The following DAB1 variants were observed in gnomAD, a reference collection of about 807,000 sequenced individuals.
DAB1 encodes the protein disabled homolog 1.
In DAB1, 15 loss-of-function variants were observed where a neutral mutation model predicts 64.6. That is an observed-to-expected ratio of 0.23 (90% CI 0.16 to 0.36). DAB1 has a LOEUF of 0.36. DAB1 is among the 10% of genes least tolerant of loss of function. The pLI is 1.00. For missense variants in DAB1, 596 were observed against 706.7 expected, an observed-to-expected ratio of 0.84 and a Z score of 1.78; for synonymous variants, 235 against 251.9, an observed-to-expected ratio of 0.93 and a Z score of 0.64.
intron 7 of DAB1, among the ~76,000 whole-genome samples, chr1:57,643,537 T>G (rs1646156031): frequency 6.6e-6 from 1 of 152,206 alleles, no homozygotes; most frequent in Non-Finnish European, 1.5e-5. Context: ...TGTTTTCCCT[T>G]TGTGACATTT....
intron 5 of DAB1, among the ~76,000 whole-genome samples, chr1:57,998,211 A>C (rs1367752924): frequency 6.6e-6 from 1 of 152,128 alleles, no homozygotes; most frequent in Non-Finnish European, 1.5e-5. Context: ...CTGTATCTCG[A>C]TTCTGCCATT....
chr1:57,965,043 T>TGGAACATTCATGTGTGAAGAATGGAC (rs1645626281), intron 5 of DAB1, among the ~76,000 whole-genome samples: 1 of 152,096 alleles, frequency 6.6e-6, no homozygotes, highest in South Asian at 2.1e-4. Flanking sequence ...GAAGAATGGA[T>TGGAACATTCATGTGTGAAGAATGGAC]GGAACATTCA....
At chr1:57,271,010 G>A (rs1419903324) in intron 2 of DAB1, among the ~76,000 whole-genome samples, 4 of 152,306 alleles carry the variant, frequency 2.6e-5, no homozygotes, top group Admixed American at 2.6e-4. Flanking sequence ...CTCTAGGTCA[G>A]TCACCCAAAG....
intron 7 of DAB1, among the ~76,000 whole-genome samples, chr1:57,567,592 A>C (rs1384495958): frequency 6.6e-6 from 1 of 152,206 alleles, no homozygotes; most frequent in Admixed American, 6.5e-5. Flanking sequence ...CAGGATACAA[A>C]ATCAATGTAC....
chr1:57,173,416 T>C (rs1661990673), intron 2 of DAB1, among the ~76,000 whole-genome samples: 3 of 152,330 alleles, frequency 2.0e-5, no homozygotes. Context: ...ATTAAAAATA[T>C]GGTATAATAT....
intron 5 of DAB1, among the ~76,000 whole-genome samples, chr1:58,027,964 A>T (rs1646918049): frequency 6.6e-6 from 1 of 152,198 alleles, no homozygotes; most frequent in Non-Finnish European, 1.5e-5. Context: ...GATTCACACA[A>T]GTCTAAGTTT....
chr1:58,537,086 G>GTA (rs71779509), intron 1 of DAB1, among the ~76,000 whole-genome samples: 236 of 128,554 alleles, frequency 1.8e-3, no homozygotes, highest in African/African-American at 4.5e-3. Context: ...CTCTCTCTCT[G>GTA]TATATATATA....
At chr1:57,502,297 C>A (rs183056934) in intron 7 of DAB1, among the ~76,000 whole-genome samples, 17 of 123,316 alleles carry the variant, frequency 1.4e-4, no homozygotes, top group African/African-American at 4.8e-4. Flanking sequence ...CCAGCCTGGG[C>A]GACACAGCAA....
At chr1:58,287,759 T>C (rs1661721458) in intron 4 of DAB1, among the ~76,000 whole-genome samples, 1 of 152,124 alleles carries the variant, frequency 6.6e-6, no homozygotes, top group Admixed American at 6.5e-5. Context: ...TGGTGGCTCA[T>C]GCCTGTAATC....
At chr1:58,017,975 A>G (rs1196565238) in intron 5 of DAB1, among the ~76,000 whole-genome samples, 4 of 152,224 alleles carry the variant, frequency 2.6e-5, no homozygotes, top group South Asian at 2.1e-4. Flanking sequence ...CATTTTAATA[A>G]TAACACATTA....
intron 2 of DAB1, among the ~76,000 whole-genome samples, chr1:57,254,930 C>G (rs1254449223): frequency 1.3e-5 from 2 of 151,934 alleles, no homozygotes; most frequent in East Asian, 3.9e-4. Context: ...AGTATCTTGT[C>G]AAGTCCTTAA....
chr1:57,403,048 A>T (rs575414185), intron 1 of DAB1, among the ~76,000 whole-genome samples: 1 of 152,076 alleles, frequency 6.6e-6, no homozygotes, highest in Non-Finnish European at 1.5e-5. Context: ...TCCCACTCTG[A>T]TTTTCCTTTG....
At chr1:58,049,129 C>T (rs897115035) in intron 5 of DAB1, 10 of 808,900 alleles carry the variant, frequency 1.2e-5, no homozygotes, top group African/African-American at 6.7e-5. Flanking sequence ...CCAAAGCCCC[C>T]GGAGCACTTG....
intron 6 of DAB1, among the ~76,000 whole-genome samples, chr1:57,651,397 C>A (rs1297004303): frequency 6.6e-6 from 1 of 151,980 alleles, no homozygotes; most frequent in Non-Finnish European, 1.5e-5. Flanking sequence ...TGGTCGACTC[C>A]CTGTTCAAGG....
chr1:57,174,027 T>C (rs553674849), intron 2 of DAB1, among the ~76,000 whole-genome samples: 1 of 152,272 alleles, frequency 6.6e-6, no homozygotes. Context: ...AGCATCCTCT[T>C]GCCTGGCAGG....
intron 5 of DAB1, among the ~76,000 whole-genome samples, chr1:58,137,597 T>C (rs1245995864): frequency 6.6e-6 from 1 of 152,072 alleles, no homozygotes; most frequent in African/African-American, 2.4e-5. Context: ...ATCCATCCAA[T>C]CATCCATCCA....
At chr1:58,111,671 G>A (rs1169243405) in intron 5 of DAB1, among the ~76,000 whole-genome samples, 7 of 151,668 alleles carry the variant, frequency 4.6e-5, no homozygotes, top group Non-Finnish European at 7.4e-5. Context: ...ATATCACTGC[G>A]CCTGCTGCTC....
At chr1:58,066,168 G>A (rs891782193) in intron 5 of DAB1, among the ~76,000 whole-genome samples, 5 of 152,152 alleles carry the variant, frequency 3.3e-5, no homozygotes, top group Admixed American at 2.6e-4. Flanking sequence ...CTACACAGGG[G>A]GACATCTCTT....
chr1:57,132,490 T>C (rs1437085532), intron 4 of DAB1, among the ~76,000 whole-genome samples: 1 of 152,002 alleles, frequency 6.6e-6, no homozygotes, highest in East Asian at 1.9e-4. Context: ...GTATCCCAAA[T>C]CAAAAAATCT....
Sources: allele counts gnomAD v4.1 joint callset (sites outside exome capture counted in the v4.1 genomes callset), GRCh38; gene constraint gnomAD v4.1.1; transcripts MANE v1.5; gene names NCBI Gene and HGNC (gene_info 2026-07-23, HGNC 2026-07-21).